GPD2: variants seen among roughly 807,000 people sequenced by gnomAD.
GPD2 encodes glycerol-3-phosphate dehydrogenase, mitochondrial.
Under a neutral mutation model 82.4 loss-of-function variants are expected in GPD2, and 54 were observed. The observed-to-expected ratio is 0.66, with a 90% CI of 0.53 to 0.82. GPD2 has a LOEUF of 0.82. GPD2 is among the 40% of genes least tolerant of loss of function. The pLI is 0.00. For synonymous variants in GPD2, 288 were observed against 306.1 expected, an observed-to-expected ratio of 0.94 and a Z score of 0.62; for missense variants, 748 against 896.2, an observed-to-expected ratio of 0.83 and a Z score of 2.11.
rs370586897 is a variant in GPD2, at chr2:156,550,722, A to T, written c.947A>T (p.His316Leu). The T allele has an allele frequency of 1.9e-6, 3 of 1,613,752 alleles. No individual in the cohort carries two copies. In the African/African-American group the frequency reaches 4.0e-5, roughly 22 times the overall value. Residue 316 changes from histidine to leucine, a missense_variant, in exon 8 of 17, where the codon CAT becomes CTT. His to Leu is a moderately conservative substitution (Grantham distance 99). Transcript: ENST00000438166. ...ATCTGCCAGCCAAGTGCTGGTGTCC[A>T]TATTGTGATGCCTGGTTATTACAGG... ...AAICQPSAGV[H>L]IVMPGYYSPE... is the part of the protein sequence containing the mutation.
intron 6 of GPD2, among the ~76,000 whole-genome samples, chr2:156,514,682 A>G (rs1322841957): frequency 6.6e-6 from 1 of 152,158 alleles, no homozygotes; most frequent in Non-Finnish European, 1.5e-5. Flanking sequence ...CCTAGGATCA[A>G]CAATATTAGA....
the GPD2 span, among the ~76,000 whole-genome samples, chr2:156,429,302 A>G: frequency 6.6e-6 from 1 of 152,180 alleles, no homozygotes; most frequent in African/African-American, 2.4e-5. Context: ...TGAATTCTCT[A>G]TTTTGTTTCA....
chr2:156,486,096 T>C (rs1348908835), intron 2 of GPD2, among the ~76,000 whole-genome samples: 2 of 152,262 alleles, frequency 1.3e-5, no homozygotes, highest in Non-Finnish European at 2.9e-5. Context: ...GAAACTATTC[T>C]TAACTACTCT....
chr2:156,521,276 G>C (rs1033006467), intron 6 of GPD2, among the ~76,000 whole-genome samples: 3 of 152,170 alleles, frequency 2.0e-5, no homozygotes, highest in Non-Finnish European at 2.9e-5. Flanking sequence ...GGAATTGTAA[G>C]CATTGCAATC....
intron 3 of GPD2, among the ~76,000 whole-genome samples, chr2:156,497,056 T>C (rs182841341): frequency 9.2e-5 from 14 of 152,330 alleles, no homozygotes; most frequent in Admixed American, 7.8e-4. Context: ...ATATGTTGTG[T>C]TTAATAAAAT....
In GPD2 at chr2:156,585,608, ATCCTGCTTCAGTTTC is replaced by A. The variant is rs1319205510; in HGVS notation, c.*2692_*2706del. The A allele has an allele frequency of 6.6e-6, 1 of 152,396 alleles. No individual in the cohort carries two copies. The highest frequency in any genetic ancestry group is 1.5e-5 in the Non-Finnish European group (1 of 67,960). The allele number at this position is 152,396 out of a possible 1,614,324, so 9.4% of individuals were successfully genotyped here. ...TTCTGCTATTAAATGCATGCTCTCTATCCTGCTTCAGTTTCTGGCTTTGCTTTGTCTGTTTCAAAA... is the reference window on the plus strand; with the variant it reads ...TTCTGCTATTAAATGCATGCTCTCTATGGCTTTGCTTTGTCTGTTTCAAAA... On this transcript the variant is annotated 3_prime_UTR_variant, in exon 17 of 17. Coordinates refer to ENST00000438166, the MANE Select transcript of GPD2 (RefSeq NM_000408.5).
chr2:156,462,997 A>G (rs1683042145), intron 1 of GPD2, among the ~76,000 whole-genome samples: 1 of 152,226 alleles, frequency 6.6e-6, no homozygotes, highest in Admixed American at 6.5e-5. Flanking sequence ...AAAGATAAAC[A>G]GGGAAGATTA....
chr2:156,569,942 C>A, intron 11 of GPD2, 145 bp from the exon 12 acceptor site: 1 of 723,432 alleles, frequency 1.4e-6, no homozygotes, highest in Non-Finnish European at 2.3e-6. Context: ...GGTTTCCTTC[C>A]ACAAAATCAA....
upstream of GPD2, among the ~76,000 whole-genome samples, chr2:156,434,514 A>G (rs2105126724): frequency 6.6e-6 from 1 of 152,328 alleles, no homozygotes. Context: ...TCGTATCACA[A>G]ATTCCAGGAA....
intron 1 of GPD2, among the ~76,000 whole-genome samples, chr2:156,455,738 G>T (rs1033526159): frequency 8.8e-5 from 8 of 90,952 alleles, no homozygotes; most frequent in Non-Finnish European, 1.7e-4. Context: ...TTAGCGCCTT[G>T]TCCTTATTTT....
At position 156,583,870 on chromosome 2, in the gene GPD2, G is replaced by A. The variant is rs1273646894; in HGVS notation, c.*952G>A. 4 of 152,312 alleles carry A rather than the reference G, an allele frequency of 2.6e-5. No homozygotes were observed. Among genetic ancestry groups the A allele is most frequent in the Non-Finnish European group, 5.9e-5 (4 of 67,962 alleles). The allele number at this position is 152,312 out of a possible 1,614,324, so 9.4% of individuals were successfully genotyped here. A position where few individuals can be genotyped will look rare whatever the true frequency, so the allele number is the denominator to read the frequency against. The stretch of plus-strand genomic sequence containing the variant: ...TGATAACAAAAGATTCAATTCCCAA[G>A]CCTAAATTTTGAAGCATGTGGTATT... On this transcript the variant is annotated 3_prime_UTR_variant, in exon 17 of 17. Transcript: ENST00000438166.
chr2:156,579,544 C>T, intron 15 of GPD2, 146 bp from the exon 16 acceptor site: 1 of 612,120 alleles, frequency 1.6e-6, no homozygotes, highest in South Asian at 1.8e-5. Flanking sequence ...GTTGGCCAGG[C>T]TGGTCTCGAA....
chr2:156,439,176 A>T (rs752320177), intron 1 of GPD2, among the ~76,000 whole-genome samples: 1 of 152,234 alleles, frequency 6.6e-6, no homozygotes, highest in Non-Finnish European at 1.5e-5. Flanking sequence ...AATTCTGCAT[A>T]TGCAAGAAAT....
intron 1 of GPD2, among the ~76,000 whole-genome samples, chr2:156,468,806 C>A (rs907640447): frequency 6.6e-6 from 1 of 152,054 alleles, no homozygotes; most frequent in Admixed American, 6.5e-5. Context: ...AAATGGGTAT[C>A]CATTACCTTA....
intron 6 of GPD2, among the ~76,000 whole-genome samples, chr2:156,546,430 A>G (rs2105329607): frequency 6.6e-6 from 1 of 152,288 alleles, no homozygotes; most frequent in East Asian, 1.9e-4. Flanking sequence ...GGTTGGGGAA[A>G]TTAGTTAGGA....
intron 6 of GPD2, among the ~76,000 whole-genome samples, chr2:156,534,890 G>C (rs749489351): frequency 6.6e-6 from 1 of 152,110 alleles, no homozygotes; most frequent in Non-Finnish European, 1.5e-5. Flanking sequence ...TCTGTGACAA[G>C]CATATACCTA....
the GPD2 span, among the ~76,000 whole-genome samples, chr2:156,425,826 T>C: frequency 6.6e-6 from 1 of 152,158 alleles, no homozygotes; most frequent in South Asian, 2.1e-4. Context: ...TGACCGAACA[T>C]ATATCACATA....
At chr2:156,496,359 A>G in intron 3 of GPD2, 144 bp downstream of exon 3, 1 of 637,218 alleles carries the variant, frequency 1.6e-6, no homozygotes, top group Non-Finnish European at 2.8e-6. Flanking sequence ...AGCATGCATT[A>G]GCTATTTATC....
intron 2 of GPD2, among the ~76,000 whole-genome samples, chr2:156,493,195 G>GGA (rs150303880): frequency 6.6e-5 from 10 of 151,912 alleles, no homozygotes; most frequent in East Asian, 1.9e-4. Flanking sequence ...CAAAGAGGCT[G>GGA]GAGAGAGAGA....
Sources: allele counts gnomAD v4.1 joint callset (sites outside exome capture counted in the v4.1 genomes callset), GRCh38; gene constraint gnomAD v4.1.1; transcripts MANE v1.5; gene names NCBI Gene and HGNC (gene_info 2026-07-23, HGNC 2026-07-21).